ZSWIM5: variants seen among roughly 807,000 people sequenced by gnomAD.
The protein encoded by ZSWIM5 is zinc finger SWIM-type containing 5.
Under a neutral mutation model 119.6 loss-of-function variants are expected in ZSWIM5, and 55 were observed. The ratio of observed to expected loss-of-function variants is 0.46; its 90% confidence interval spans 0.37 to 0.58. The LOEUF (loss-of-function observed/expected upper bound fraction) is 0.58. Ranked by LOEUF, ZSWIM5 falls within the 20% of genes least tolerant of loss-of-function variation. The pLI, the probability that ZSWIM5 is intolerant of heterozygous loss-of-function variation, is 0.00. For missense variants in ZSWIM5, 1,193 were observed against 1,512.8 expected (o/e 0.79, Z 3.51); for synonymous variants, 537 against 606.9 (o/e 0.88, Z 1.69).
At position 45,088,184 on chromosome 1, in the gene ZSWIM5, C is replaced by A; in HGVS notation, c.649G>T (p.Val217Leu). 6.2e-7 allele frequency: 1 copy of A among 1,613,992 alleles called. No homozygotes were observed. The highest frequency in any genetic ancestry group is 8.5e-7 in the Non-Finnish European group (1 of 1,179,896). ...AAACTGATTGCAACTTTATAAGTCA[C>A]TGCTGGTTCAGAGGCAGTGGCCAGC... is the stretch of plus-strand genomic sequence containing the variant. ...TELATASEPA[V>L]TYKVAISFDR... is the part of the protein sequence containing the mutation. The change falls in exon 2 of 14, where the codon GTG becomes TTG. Residue 217 changes from valine (V) to leucine (L), a missense_variant. This residue lies in a region of ZSWIM5 where 961 missense variants were observed against 1,290.0 expected (regional missense o/e 0.74). Coordinates refer to ENST00000359600, the MANE Select transcript of ZSWIM5 (RefSeq NM_020883.2). This position sits in a 1 kb window ranked among gnomAD's most constrained non-coding sequence, Gnocchi z 4.2.
chr1:45,088,429 A>T lies in ZSWIM5; in HGVS notation c.596-192T>A, dbSNP rs1275854454. On this transcript the variant is annotated intron_variant, in intron 1 of 13. Coordinates refer to ENST00000359600, the MANE Select transcript of ZSWIM5 (RefSeq NM_020883.2). This position sits in a 1 kb window ranked among gnomAD's most constrained non-coding sequence, Gnocchi z 4.2. ...GCTCTGAAGAAACACACAATATAGA[A>T]AGAGTCCTCACCCTGGAGTTCGTGA... Among the ~76,000 whole-genome samples, 1 of 152,184 alleles carries T rather than the reference A, an allele frequency of 6.6e-6. No individual in the cohort carries two copies. Among genetic ancestry groups the T allele is most frequent in the South Asian group, 2.1e-4 (1 of 4,828 alleles).
chr1:45,177,736 G>C (rs1402248108), intron 1 of ZSWIM5, among the ~76,000 whole-genome samples: 3 of 151,858 alleles, frequency 2.0e-5, no homozygotes, highest in Admixed American at 6.6e-5. Flanking sequence ...TTGCTTCCCT[G>C]GGATCATATT....
chr1:45,130,814 A>G (rs1645652031), intron 1 of ZSWIM5, among the ~76,000 whole-genome samples: 1 of 152,238 alleles, frequency 6.6e-6, no homozygotes, highest in Admixed American at 6.5e-5. Context: ...TTCAGCTAAA[A>G]ACTGGAAGTC....
chr1:45,131,633 G>A (rs943432300), intron 1 of ZSWIM5, among the ~76,000 whole-genome samples: 2 of 149,270 alleles, frequency 1.3e-5, no homozygotes, highest in South Asian at 4.2e-4. Flanking sequence ...GCTGAGGCAC[G>A]AGAATCACTT....
chr1:45,062,952 T>C (rs1035839085), intron 2 of ZSWIM5, among the ~76,000 whole-genome samples: 2 of 152,140 alleles, frequency 1.3e-5, no homozygotes, highest in African/African-American at 2.4e-5. Context: ...AATAGGTACT[T>C]TTTCAGATCT....
At chr1:45,160,992 T>TTTTTTTTTTTTTTTTTTTTTTTG (rs1645860904) in intron 1 of ZSWIM5, among the ~76,000 whole-genome samples, 1 of 147,390 alleles carries the variant, frequency 6.8e-6, no homozygotes, top group Non-Finnish European at 1.5e-5. Flanking sequence ...CGGCTAAATT[T>TTTTTTTTTTTTTTTTTTTTTTTG]TTTTTTTTTT....
intron 1 of ZSWIM5, among the ~76,000 whole-genome samples, chr1:45,145,985 T>C (rs1645757331): frequency 6.6e-6 from 1 of 152,092 alleles, no homozygotes; most frequent in Non-Finnish European, 1.5e-5. Flanking sequence ...TACCAAAAAC[T>C]GCTGATATTC....
At position 45,086,022 on chromosome 1, in the gene ZSWIM5, A is replaced by T. The variant is rs1041293217; in HGVS notation, c.952+1859T>A. On this transcript the variant is annotated intron_variant, in intron 2 of 13. Transcript: ENST00000359600. Reference sequence around the variant, plus strand: ...ACCTGAGAATCGGTAATTTATTTTTAAAAAAGAGGTTTAATTGGCTCATGG... The same window carrying T: ...ACCTGAGAATCGGTAATTTATTTTTTAAAAAGAGGTTTAATTGGCTCATGG... Among the ~76,000 whole-genome samples the T allele has an allele frequency of 3.7e-4, 56 of 152,260 alleles. 1 individual carries two copies. The highest frequency in any genetic ancestry group is 2.1e-3 in the East Asian group (11 of 5,192).
intron 4 of ZSWIM5, among the ~76,000 whole-genome samples, chr1:45,052,575 G>A (rs1046953094): frequency 1.3e-5 from 2 of 152,034 alleles, no homozygotes; most frequent in Non-Finnish European, 2.9e-5. Context: ...TTTGAGACCA[G>A]CCTGGGCAAC....
intron 2 of ZSWIM5, among the ~76,000 whole-genome samples, chr1:45,077,504 C>A (rs970415421): frequency 6.6e-6 from 1 of 152,124 alleles, no homozygotes; most frequent in South Asian, 2.1e-4. Flanking sequence ...TAGACTATCA[C>A]AAGGCAAGTG....
At chr1:45,135,600 C>T (rs1314559471) in intron 1 of ZSWIM5, among the ~76,000 whole-genome samples, 1 of 152,150 alleles carries the variant, frequency 6.6e-6, no homozygotes, top group Non-Finnish European at 1.5e-5. Flanking sequence ...TTCTTGATTA[C>T]TTCTGAAAAA....
At chr1:45,205,013 C>T (rs1336841377) in intron 1 of ZSWIM5, among the ~76,000 whole-genome samples, 1 of 151,868 alleles carries the variant, frequency 6.6e-6, no homozygotes, top group Admixed American at 6.6e-5. Context: ...AAGATAAAAG[C>T]AAATAGGACT....
intron 1 of ZSWIM5, among the ~76,000 whole-genome samples, chr1:45,109,812 T>G (rs911416543): frequency 2.0e-5 from 3 of 152,222 alleles, no homozygotes; most frequent in Non-Finnish European, 4.4e-5. Context: ...GAACATCTTT[T>G]GAATACCTAA....
At chr1:45,159,246 G>C (rs1243016178) in intron 1 of ZSWIM5, among the ~76,000 whole-genome samples, 1 of 151,940 alleles carries the variant, frequency 6.6e-6, no homozygotes, top group Admixed American at 6.6e-5. Context: ...TATAGAACTT[G>C]CTTTATTGCT....
chr1:45,025,316 C>T (rs1644914937), intron 11 of ZSWIM5, among the ~76,000 whole-genome samples: 1 of 152,138 alleles, frequency 6.6e-6, no homozygotes, highest in African/African-American at 2.4e-5. Context: ...TTCGTTTTTC[C>T]ACACAAAGTT....
At chr1:45,144,364 GA>G (rs910205879) in intron 1 of ZSWIM5, among the ~76,000 whole-genome samples, 92 of 133,926 alleles carry the variant, frequency 6.9e-4, no homozygotes, top group Middle Eastern at 7.6e-3. Flanking sequence ...CTTGTCTCTA[GA>G]AAAAAAAAAA....
At chr1:45,082,565 A>C (rs1161462678) in intron 2 of ZSWIM5, among the ~76,000 whole-genome samples, 1 of 152,164 alleles carries the variant, frequency 6.6e-6, no homozygotes, top group Non-Finnish European at 1.5e-5. Context: ...AGTCCATTTT[A>C]TCTCTGTGAT....
chr1:45,023,171 C>T (rs1293844158), intron 11 of ZSWIM5, among the ~76,000 whole-genome samples: 2 of 152,144 alleles, frequency 1.3e-5, no homozygotes, highest in African/African-American at 4.8e-5. Flanking sequence ...TGCTATTAAT[C>T]CACTATCACA....
At chr1:45,045,816 C>T (rs553336787) in intron 5 of ZSWIM5, among the ~76,000 whole-genome samples, 1 of 151,990 alleles carries the variant, frequency 6.6e-6, no homozygotes, top group Admixed American at 6.6e-5. Context: ...TAGGGAGAGA[C>T]AGTTAAGTAA....
Sources: allele counts gnomAD v4.1 joint callset (sites outside exome capture counted in the v4.1 genomes callset), GRCh38; gene constraint gnomAD v4.1.1; regional missense constraint gnomAD v4.1.1; non-coding constraint Gnocchi (gnomAD v3.1); transcripts MANE v1.5; gene names NCBI Gene and HGNC (gene_info 2026-07-23, HGNC 2026-07-21).